SLC7A7: variants seen among roughly 807,000 people sequenced by gnomAD.
SLC7A7 encodes Y+L amino acid transporter 1.
SLC7A7 carries 39 observed loss-of-function variants against 47.9 expected under a neutral mutation model. That is an observed-to-expected ratio of 0.81 (90% confidence interval 0.63 to 1.06). The LOEUF (loss-of-function observed/expected upper bound fraction) is 1.06. Ranked by LOEUF, SLC7A7 falls within the 50% of genes least tolerant of loss-of-function variation. SLC7A7 has a pLI of 0.00. For missense variants in SLC7A7, 588 were observed against 632.0 expected, an observed-to-expected ratio of 0.93 and a Z score of 0.75; for synonymous variants, 234 against 242.8, an observed-to-expected ratio of 0.96 and a Z score of 0.34.
chr14:22,784,337 T>A (rs933461090), intron 2 of SLC7A7, among the ~76,000 whole-genome samples: 1 of 151,884 alleles, frequency 6.6e-6, no homozygotes, highest in Non-Finnish European at 1.5e-5. Context: ...AAGTCACTCG[T>A]GGCCGGGTGC....
chr14:22,787,190 C>T (rs2038832016), intron 2 of SLC7A7, among the ~76,000 whole-genome samples: 1 of 152,044 alleles, frequency 6.6e-6, no homozygotes, highest in African/African-American at 2.4e-5. Flanking sequence ...AATACCAGTA[C>T]TTTGGGAGAC....
intron 2 of SLC7A7, among the ~76,000 whole-genome samples, chr14:22,784,033 C>G (rs1285505771): frequency 6.6e-6 from 1 of 152,254 alleles, no homozygotes. Flanking sequence ...GCGGATACAG[C>G]TGACCACTGG....
chr14:22,788,770 T>C (rs577827637), intron 2 of SLC7A7, among the ~76,000 whole-genome samples: 1 of 148,620 alleles, frequency 6.7e-6, no homozygotes, highest in South Asian at 2.1e-4. Flanking sequence ...ATCTCAAACA[T>C]AATAAGCAAG....
intron 7 of SLC7A7, among the ~76,000 whole-genome samples, chr14:22,774,805 C>T (rs1230733700): frequency 1.3e-5 from 2 of 152,160 alleles, no homozygotes; most frequent in Non-Finnish European, 1.5e-5. Context: ...CAATAACCCG[C>T]TCTTATCTCC....
rs1382325552 is a variant in SLC7A7 at position 22,812,784 on chromosome 14, T to A, written c.499+116A>T. The A allele has an allele frequency of 1.0e-4, 68 of 668,446 alleles. 4 individuals are homozygous for A. The highest frequency in any genetic ancestry group is 1.5e-4 in the Non-Finnish European group (67 of 441,944). The allele number at this position is 668,446 out of a possible 1,614,324, so 41.4% of individuals were successfully genotyped here. A position where few individuals can be genotyped will look rare whatever the true frequency, so the allele number is the denominator to read the frequency against. ...AAAGCATACTTTAACTATATATATA[T>A]ATATATATGTTGTCAGAGACATTCC... On this transcript the variant is annotated intron_variant, in intron 2 of 9. Coordinates refer to ENST00000674313, the MANE Select transcript of SLC7A7 (RefSeq NM_003982.4).
chr14:22,778,346 T>A (rs759250374), intron 4 of SLC7A7, among the ~76,000 whole-genome samples: 1 of 152,124 alleles, frequency 6.6e-6, no homozygotes, highest in Non-Finnish European at 1.5e-5. Flanking sequence ...GGTGACTTAA[T>A]TGAATGACTG....
chr14:22,784,461 T>C (rs1170836140), intron 2 of SLC7A7, among the ~76,000 whole-genome samples: 4 of 151,890 alleles, frequency 2.6e-5, no homozygotes, highest in African/African-American at 7.3e-5. Flanking sequence ...CTACTAAAAA[T>C]ACAAAAATTA....
chr14:22,794,082 C>T (rs930420077), intron 2 of SLC7A7, among the ~76,000 whole-genome samples: 1 of 152,210 alleles, frequency 6.6e-6, no homozygotes, highest in Admixed American at 6.5e-5. Context: ...CTGGCTTCCC[C>T]TGACCCACCA....
chr14:22,773,356 A>G lies in SLC7A7; in HGVS notation c.*254T>C, dbSNP rs147164177. The G allele has an allele frequency of 1.0e-3, 596 of 591,220 alleles. 1 individual carries two copies. Among genetic ancestry groups the G allele is most frequent in the African/African-American group, 0.01 (550 of 54,960 alleles). 36.6% of individuals were successfully genotyped at this position (591,220 alleles called of 1,614,324 possible). A position where few individuals can be genotyped will look rare whatever the true frequency, so the allele number is the denominator to read the frequency against. ...TAGGTAGGCACACCCAGGTGCTTCT[A>G]AAACAACCAAGCCCAAACCTGACAT... On this transcript the variant is annotated 3_prime_UTR_variant, in exon 10 of 10. Coordinates refer to ENST00000674313, the MANE Select transcript of SLC7A7 (RefSeq NM_003982.4).
intron 4 of SLC7A7, among the ~76,000 whole-genome samples, chr14:22,777,751 G>A (rs547562313): frequency 1.3e-5 from 2 of 152,264 alleles, no homozygotes; most frequent in East Asian, 1.9e-4. Context: ...GAGTTTATTG[G>A]TATAAGAATT....
At chr14:22,794,159 G>C (rs535033044) in intron 2 of SLC7A7, among the ~76,000 whole-genome samples, 26 of 152,164 alleles carry the variant, frequency 1.7e-4, no homozygotes, top group Non-Finnish European at 3.1e-4. Flanking sequence ...ATAAAACTCC[G>C]GTCTCCCGCA....
chr14:22,810,879 G>A (rs554468055), intron 2 of SLC7A7, among the ~76,000 whole-genome samples: 14 of 152,300 alleles, frequency 9.2e-5, no homozygotes, highest in Non-Finnish European at 1.8e-4. Context: ...TTGAGAGGCT[G>A]AGGCAGGAGA....
At chr14:22,798,713 T>C (rs1290176155) in intron 2 of SLC7A7, among the ~76,000 whole-genome samples, 1 of 152,230 alleles carries the variant, frequency 6.6e-6, no homozygotes, top group Non-Finnish European at 1.5e-5. Context: ...CCTGGGTCTC[T>C]ACAATGCAGT....
At chr14:22,785,642 C>T (rs576221935) in intron 2 of SLC7A7, among the ~76,000 whole-genome samples, 4 of 151,076 alleles carry the variant, frequency 2.6e-5, no homozygotes, top group Non-Finnish European at 4.4e-5. Flanking sequence ...GCAGAAGAAT[C>T]ACTTGAACTC....
rs1240473608 is a variant in SLC7A7, at chr14:22,813,063, T to C, written c.336A>G (p.Gly112=). ...AGAGTCTGATGAAAGCAAGGAATCC[T>C]CCAAAGGCCTCCAGGATATAGGCAT... ...ASYAYILEAF[G]GFLAFIRLWT... Residue 112 remains glycine (G), a synonymous_variant, in exon 2 of 10, where the codon GGA becomes GGG. Coordinates refer to ENST00000674313, the MANE Select transcript of SLC7A7 (RefSeq NM_003982.4). 1 of 1,614,010 alleles carries C rather than the reference T, an allele frequency of 6.2e-7. No individual in the cohort carries two copies. Among genetic ancestry groups the C allele is most frequent in the South Asian group, 1.1e-5 (1 of 91,074 alleles).
At chr14:22,817,752 C>T (rs962000036), upstream of SLC7A7, among the ~76,000 whole-genome samples, 2 of 152,220 alleles carry the variant, frequency 1.3e-5, no homozygotes, top group Non-Finnish European at 2.9e-5. Context: ...GATGGGATTA[C>T]AGGCGTGAGC....
chr14:22,788,058 G>A (rs1480519165), intron 2 of SLC7A7, among the ~76,000 whole-genome samples: 1 of 151,976 alleles, frequency 6.6e-6, no homozygotes, highest in African/African-American at 2.4e-5. Flanking sequence ...GGGTGACAGA[G>A]CGAGAGTTCG....
intron 2 of SLC7A7, among the ~76,000 whole-genome samples, chr14:22,807,894 G>GCTCAT (rs2039239780): frequency 6.6e-6 from 1 of 152,212 alleles, no homozygotes; most frequent in African/African-American, 2.4e-5. Context: ...GGGCGTGGTA[G>GCTCAT]CTCATGCCTG....
chr14:22,792,119 G>C (rs546758556), intron 2 of SLC7A7, among the ~76,000 whole-genome samples: 77 of 152,128 alleles, frequency 5.1e-4, no homozygotes, highest in African/African-American at 1.7e-3. Flanking sequence ...ACAGGCTTGA[G>C]CCACCGCGCC....
Sources: gnomAD v4.1 joint callset for allele counts (sites outside exome capture counted in the v4.1 genomes callset) on GRCh38, gnomAD v4.1.1 for gene constraint, MANE v1.5 for transcripts, NCBI Gene and HGNC (gene_info 2026-07-23, HGNC 2026-07-21) for gene names.